MYZAP: variants seen among roughly 807,000 people sequenced by gnomAD.
MYZAP encodes the protein GRINL1A complex locus upstream.
A neutral mutation model predicts 69.4 loss-of-function variants in MYZAP; 66 were observed. The observed-to-expected ratio is 0.95, with a 90% CI of 0.78 to 1.17. MYZAP has a LOEUF of 1.17. MYZAP is among the 50% of genes most tolerant of loss of function. The pLI is 0.00. For missense variants in MYZAP, 611 were observed against 556.2 expected, an observed-to-expected ratio of 1.10 and a Z score of -0.99; for synonymous variants, 256 against 205.9, an observed-to-expected ratio of 1.24 and a Z score of -2.09.
At chr15:57,621,749 A>G (rs771287981) in intron 4 of MYZAP, 49 bp downstream of exon 4, 9 of 1,589,932 alleles carry the variant, frequency 5.7e-6, no homozygotes. Flanking sequence ...TGGCAGGCTC[A>G]GAGTGGTCCC....
intron 3 of MYZAP, among the ~76,000 whole-genome samples, chr15:57,621,025 T>TC (rs1460826551): frequency 5.4e-5 from 8 of 148,066 alleles, no homozygotes; most frequent in African/African-American, 1.5e-4. Context: ...ATATTCTATA[T>TC]TAATATATGC....
intron 8 of MYZAP, among the ~76,000 whole-genome samples, chr15:57,637,344 T>C (rs2036875399): frequency 6.6e-6 from 1 of 152,328 alleles, no homozygotes; most frequent in Non-Finnish European, 1.5e-5. Context: ...TTCTTGATGA[T>C]TCAGAAAATA....
chr15:57,663,767 G>T (rs939700976), intron 11 of MYZAP, among the ~76,000 whole-genome samples: 6 of 152,174 alleles, frequency 3.9e-5, no homozygotes, highest in African/African-American at 1.4e-4. Context: ...ATGTAGCGGG[G>T]TGGGTGGCAG....
At chr15:57,666,694 G>T (rs1173037136) in intron 11 of MYZAP, among the ~76,000 whole-genome samples, 4 of 152,176 alleles carry the variant, frequency 2.6e-5, no homozygotes, top group African/African-American at 4.8e-5. Flanking sequence ...GGGGGAAAAG[G>T]TCTGAAAAAC....
intron 12 of MYZAP, among the ~76,000 whole-genome samples, chr15:57,683,081 G>A (rs2554031): frequency 0.95 from 144,802 of 152,242 alleles, 69,204 homozygotes; most frequent in Non-Finnish European, 1. Flanking sequence ...GACAGTGGCA[G>A]GCTGTGGAAC....
intron 5 of MYZAP, among the ~76,000 whole-genome samples, chr15:57,626,616 T>C (rs988201018): frequency 2.6e-5 from 4 of 152,356 alleles, no homozygotes; most frequent in Non-Finnish European, 5.9e-5. Context: ...CATTTCCAAA[T>C]GTATGAACAA....
intron 10 of MYZAP, among the ~76,000 whole-genome samples, chr15:57,653,442 A>C (rs2037827020): frequency 6.6e-6 from 1 of 152,212 alleles, no homozygotes; most frequent in African/African-American, 2.4e-5. Flanking sequence ...AAATAAAACA[A>C]ATTTTAAATA....
intron 2 of MYZAP, among the ~76,000 whole-genome samples, chr15:57,611,430 A>G (rs932288356): frequency 1.3e-5 from 2 of 151,544 alleles, no homozygotes; most frequent in East Asian, 3.9e-4. Flanking sequence ...GCAGTTCCTG[A>G]TTTTTTTTTC....
intron 10 of MYZAP, chr15:57,646,568 G>A (rs2037456713): frequency 2.9e-6 from 3 of 1,020,990 alleles, no homozygotes; most frequent in African/African-American, 3.4e-5. Context: ...AGCTGCCAAA[G>A]ACATCTGCTA....
At chr15:57,648,222 T>G (rs2037547461) in intron 10 of MYZAP, 1 of 985,286 alleles carries the variant, frequency 1.0e-6, no homozygotes, top group African/African-American at 1.7e-5. Context: ...ATGTATTATT[T>G]AAAAAAGCAG....
chr15:57,676,420 G>GTATATATATATA (rs1264217621), intron 12 of MYZAP, among the ~76,000 whole-genome samples: 1 of 33,236 alleles, frequency 3.0e-5, no homozygotes. Flanking sequence ...GTATATATAT[G>GTATATATATATA]TGTATATATA....
At chr15:57,599,352 A>AT (rs58670224) in intron 1 of MYZAP, 37,995 of 497,264 alleles carry the variant, frequency 0.076, 511 homozygotes, top group African/African-American at 0.15. Flanking sequence ...GGAGGCCAGC[A>AT]TTTTTTTTTT....
Position 57,618,785 on chromosome 15 carries a change from T to C in MYZAP, c.318+597T>C, listed in dbSNP as rs191375707. 2.3e-4 allele frequency among the ~76,000 whole-genome samples: 35 copies of C among 152,240 alleles called. No homozygotes were observed. In the East Asian group the frequency reaches 5.0e-3, roughly 22 times the overall value. ...TTAACATTTTGGAGTATTTTCTTCT[T>C]CTCTCTCTCTCCATTTCTTTTCATT... is the stretch of plus-strand genomic sequence containing the variant. On this transcript the variant is annotated intron_variant, in intron 3 of 12. Coordinates refer to ENST00000267853, the MANE Select transcript of MYZAP (RefSeq NM_001018100.5).
At chr15:57,608,240 G>A (rs1032984944) in intron 2 of MYZAP, among the ~76,000 whole-genome samples, 2 of 152,204 alleles carry the variant, frequency 1.3e-5, no homozygotes, top group African/African-American at 2.4e-5. Flanking sequence ...TTGCGGGGAT[G>A]CCACGATGCC....
chr15:57,682,665 A>C (rs748044214), intron 12 of MYZAP, among the ~76,000 whole-genome samples: 26 of 151,830 alleles, frequency 1.7e-4, no homozygotes, highest in Middle Eastern at 3.2e-3. Flanking sequence ...CCCCTTCTGA[A>C]CTCCTTAGCC....
chr15:57,667,506 C>CT (rs1301290793), intron 11 of MYZAP, among the ~76,000 whole-genome samples: 1 of 152,132 alleles, frequency 6.6e-6, no homozygotes, highest in Admixed American at 6.6e-5. Context: ...CAGAAGCAAT[C>CT]TTTTTTGTAG....
intron 6 of MYZAP, 123 bp downstream of exon 6, chr15:57,629,977 T>TTTTTTTTTTG: frequency 7.9e-7 from 1 of 1,267,288 alleles, no homozygotes; most frequent in South Asian, 1.5e-5. Context: ...TTGGATTTTT[T>TTTTTTTTTTG]TTTTTTTTTG....
intron 10 of MYZAP, chr15:57,647,185 C>A: frequency 1.0e-6 from 1 of 985,358 alleles, no homozygotes; most frequent in Non-Finnish European, 1.2e-6. Context: ...ATGCTTCTAC[C>A]CAGCTTAAGC....
At chr15:57,649,238 A>G (rs2037606829) in intron 10 of MYZAP, among the ~76,000 whole-genome samples, 1 of 152,216 alleles carries the variant, frequency 6.6e-6, no homozygotes, top group African/African-American at 2.4e-5. Flanking sequence ...AGGAATTGCT[A>G]GGGCATGGGA....
Sources: gnomAD v4.1 joint callset for allele counts (sites outside exome capture counted in the v4.1 genomes callset) on GRCh38, gnomAD v4.1.1 for gene constraint, MANE v1.5 for transcripts, NCBI Gene and HGNC (gene_info 2026-07-23, HGNC 2026-07-21) for gene names.